The following RHOF variants were observed in gnomAD, a reference collection of about 807,000 sequenced individuals.
RHOF encodes the protein ras homolog family member F, filopodia associated, also known as rho-related GTP-binding protein RhoF.
A neutral mutation model predicts 22.2 loss-of-function variants in RHOF; 21 were observed. The observed-to-expected ratio is 0.95, with a 90% CI of 0.67 to 1.36. The LOEUF (loss-of-function observed/expected upper bound fraction) is 1.36. Among genes scored for constraint, RHOF ranks in the 40% most tolerant of loss-of-function variants. RHOF has a pLI of 0.00. For missense variants in RHOF, 285 were observed against 293.7 expected (o/e 0.97, Z 0.22); for synonymous variants, 135 against 131.2 (o/e 1.03, Z -0.20).
chr12:121,786,120 C>T (rs1236265214), intron 2 of RHOF, among the ~76,000 whole-genome samples: 3 of 151,642 alleles, frequency 2.0e-5, no homozygotes, highest in African/African-American at 7.3e-5. Context: ...CGGGGTTTCA[C>T]CGTGTAAGCC....
chr12:121,778,527 G>A lies in RHOF; in HGVS notation c.*971C>T, dbSNP rs1291060326. On this transcript the variant is annotated 3_prime_UTR_variant, in exon 5 of 5. Coordinates refer to ENST00000267205, the MANE Select transcript of RHOF (RefSeq NM_019034.3). ...AAGGAGGCTCAGGGATTAGGTATCTGGCTGTTGGTGACACAGGTGGTCTAT... is the reference window on the plus strand; with the variant it reads ...AAGGAGGCTCAGGGATTAGGTATCTAGCTGTTGGTGACACAGGTGGTCTAT... 6.6e-6 allele frequency: 1 copy of A among 152,026 alleles called. No homozygotes were observed. Among genetic ancestry groups the A allele is most frequent in the Non-Finnish European group, 1.5e-5 (1 of 68,078 alleles). The allele number at this position is 152,026 out of a possible 1,614,324, so 9.4% of individuals were successfully genotyped here. A position where few individuals can be genotyped will look rare whatever the true frequency, so the allele number is the denominator to read the frequency against.
chr12:121,779,510 G>A lies in RHOF; in HGVS notation c.624C>T (p.Cys208=). The part of the protein sequence containing the change: ...KAQRQKKRRL[C]LLL ...TGTCTGCCCTGGGTCAGAGCAGCAG[G>A]CAGAGCCGGCGCTTCTTCTGCCGTT... Residue 208 remains cysteine, a synonymous_variant, in exon 5 of 5, where the codon TGC becomes TGT. Transcript: ENST00000267205. The A allele has an allele frequency of 1.2e-6, 2 of 1,612,136 alleles. No individual in the cohort carries two copies. Among genetic ancestry groups the A allele is most frequent in the Non-Finnish European group, 1.7e-6 (2 of 1,180,006 alleles).
intron 2 of RHOF, among the ~76,000 whole-genome samples, chr12:121,787,451 C>T (rs1874636664): frequency 6.6e-6 from 1 of 152,228 alleles, no homozygotes; most frequent in African/African-American, 2.4e-5. Context: ...CTAAAAGCAC[C>T]AGTTCTTCCA....
intron 2 of RHOF, among the ~76,000 whole-genome samples, chr12:121,785,554 GTAGC>G (rs1874586152): frequency 6.6e-6 from 1 of 151,354 alleles, no homozygotes; most frequent in South Asian, 2.1e-4. Flanking sequence ...AGCCTCTTGA[GTAGC>G]TGGGACTACA....
intron 2 of RHOF, among the ~76,000 whole-genome samples, chr12:121,791,954 G>A (rs1472239955): frequency 1.3e-5 from 2 of 152,214 alleles, no homozygotes; most frequent in Non-Finnish European, 2.9e-5. Flanking sequence ...CCCGGGCCAC[G>A]CCCCGGGAAT....
At chr12:121,784,880 C>T (rs1592957272) in intron 2 of RHOF, among the ~76,000 whole-genome samples, 2 of 152,190 alleles carry the variant, frequency 1.3e-5, no homozygotes, top group South Asian at 4.1e-4. Context: ...CATTAGTCCC[C>T]CTAACCCACA....
chr12:121,791,313 A>G (rs897709767), intron 2 of RHOF, among the ~76,000 whole-genome samples: 11 of 152,174 alleles, frequency 7.2e-5, no homozygotes, highest in African/African-American at 1.9e-4. Flanking sequence ...TTTAGTAGAG[A>G]TGGGGTTTCA....
chr12:121,793,589 C>G lies in RHOF; in HGVS notation c.45G>C (p.Pro15=). Reference sequence around the variant, plus strand: ...TCACGATCTTCAGCTCCTTCCTGCCCGGACCGGGGGCGGCGGTCTGGGCCA... The same window carrying G: ...TCACGATCTTCAGCTCCTTCCTGCCGGGACCGGGGGCGGCGGTCTGGGCCA... ...GALAQTAAPG[P]GRKELKIVIV... Residue 15 remains proline (P), a synonymous_variant, in exon 1 of 5, where the codon CCG becomes CCC. Transcript: ENST00000267205. The G allele has an allele frequency of 3.2e-6, 5 of 1,552,772 alleles. No homozygotes were observed. The highest frequency in any genetic ancestry group is 4.3e-6 in the Non-Finnish European group (5 of 1,153,604).
chr12:121,793,016 G>T, intron 2 of RHOF, 136 bp downstream of exon 2: 1 of 717,968 alleles, frequency 1.4e-6, no homozygotes, highest in Non-Finnish European at 2.3e-6. Flanking sequence ...GCGCCCCTGA[G>T]CGGCCTCCAG....
rs1032892201 is a variant in RHOF, at chr12:121,779,414, C to T, written c.*84G>A. On this transcript the variant is annotated 3_prime_UTR_variant, in exon 5 of 5. Transcript: ENST00000267205. ...CCCCAGACACCATGAGCTGGAGGGT[C>T]GGGATGGGGCAGCCTCCCTGGTGCA... 7.6e-6 allele frequency: 11 copies of T among 1,447,970 alleles called. No homozygotes were observed. Among genetic ancestry groups the T allele is most frequent in the South Asian group, 1.2e-5 (1 of 82,978 alleles). 89.7% of individuals were successfully genotyped at this position (1,447,970 alleles called of 1,614,324 possible).
At position 121,779,413 on chromosome 12, in the gene RHOF, T is replaced by G. The variant is rs1249805736; in HGVS notation, c.*85A>C. On this transcript the variant is annotated 3_prime_UTR_variant, in exon 5 of 5. Transcript: ENST00000267205. ...GCCCCAGACACCATGAGCTGGAGGG[T>G]CGGGATGGGGCAGCCTCCCTGGTGC... 4 of 1,440,310 alleles carry G rather than the reference T, an allele frequency of 2.8e-6. No individual in the cohort carries two copies. Among genetic ancestry groups the G allele is most frequent in the East Asian group, 4.6e-5 (2 of 43,392 alleles). The allele number at this position is 1,440,310 out of a possible 1,614,324, so 89.2% of individuals were successfully genotyped here.
At chr12:121,787,101 T>C (rs1874629253) in intron 2 of RHOF, among the ~76,000 whole-genome samples, 1 of 152,230 alleles carries the variant, frequency 6.6e-6, no homozygotes, top group African/African-American at 2.4e-5. Flanking sequence ...GGTTTGCCTC[T>C]CCTGCGGGCA....
In RHOF at chr12:121,779,305, G is replaced by A. The variant is rs1874352487; in HGVS notation, c.*193C>T. The A allele has an allele frequency of 4.7e-6, 3 of 632,762 alleles. No homozygotes were observed. The highest frequency in any genetic ancestry group is 5.9e-5 in the Admixed American group (2 of 33,764). 39.2% of individuals were successfully genotyped at this position (632,762 alleles called of 1,614,324 possible). ...CACCCACATCACCACCATGTCCCAG[G>A]GGCAGCCTGGAGGGGAGTTTGTGGT... On this transcript the variant is annotated 3_prime_UTR_variant, in exon 5 of 5. Transcript: ENST00000267205.
chr12:121,780,663 A>T, intron 4 of RHOF: 1 of 613,980 alleles, frequency 1.6e-6, no homozygotes, highest in Non-Finnish European at 2.8e-6. Flanking sequence ...GGATGTGAAC[A>T]GCGCCTGCCT....
rs569379781 is a variant in RHOF, at chr12:121,788,265, C to A, written c.226+4887G>T. Among the ~76,000 whole-genome samples the A allele has an allele frequency of 3.3e-5, 5 of 152,162 alleles. No homozygotes were observed. The East Asian group carries it at 5.8e-4, about 18-fold the overall frequency. ...TACTGGAGTATTTTTTTTTCTTAGCCTACCCCAGAAAACAGGAAGGAATCC... is the reference window on the plus strand; with the variant it reads ...TACTGGAGTATTTTTTTTTCTTAGCATACCCCAGAAAACAGGAAGGAATCC... On this transcript the variant is annotated intron_variant, in intron 2 of 4. Coordinates refer to ENST00000267205, the MANE Select transcript of RHOF (RefSeq NM_019034.3).
At position 121,781,154 on chromosome 12, in the gene RHOF, G is replaced by A. The variant is rs759513765; in HGVS notation, c.265C>T (p.Gln89Ter). ...DYDRLRPLSY[Q>*]NTHLVLICYD... ...CAGATGAGCACGAGGTGGGTGTTCT[G>A]GTAGGACAGGGGCCGCAGCCGGTCA... The change falls in exon 3 of 5, where the codon CAG (glutamine) becomes TAG (stop). Residue 89 changes from glutamine (Q) to a stop codon, truncating the protein, a stop_gained. Coordinates refer to ENST00000267205, the MANE Select transcript of RHOF (RefSeq NM_019034.3). LOFTEE classifies it high-confidence loss of function. 1.9e-6 allele frequency: 3 copies of A among 1,614,112 alleles called. No homozygotes were observed. Among genetic ancestry groups the A allele is most frequent in the Non-Finnish European group, 2.5e-6 (3 of 1,180,050 alleles).
chr12:121,780,838 ACGGCTGTGCCCCAGGGTCTTGGCCC>A lies in RHOF; in HGVS notation c.471+9_471+33del. On this transcript the variant is annotated intron_variant, in intron 4 of 4. Coordinates refer to ENST00000267205, the MANE Select transcript of RHOF (RefSeq NM_019034.3). ...CAAAGGTCCGGGAGGCTTCACAGCC[ACGGCTGTGCCCCAGGGTCTTGGCCC>A]CGGCCCACCTGCATGTAGGTGATGG... is the stretch of plus-strand genomic sequence containing the variant. The A allele has an allele frequency of 6.3e-7, 1 of 1,598,718 alleles. No individual in the cohort carries two copies. The highest frequency in any genetic ancestry group is 1.7e-5 in the Admixed American group (1 of 57,784).
At chr12:121,792,144 A>G (rs1874781840) in intron 2 of RHOF, among the ~76,000 whole-genome samples, 1 of 132,942 alleles carries the variant, frequency 7.5e-6, no homozygotes. Context: ...GGTCCTCTCC[A>G]AGGTCTAGGT....
In RHOF at chr12:121,778,584, CAG is replaced by C. The variant is rs893949421; in HGVS notation, c.*912_*913del. The C allele has an allele frequency of 2.6e-5, 4 of 151,366 alleles. No homozygotes were observed. The highest frequency in any genetic ancestry group is 4.0e-4 in the East Asian group (2 of 5,058). 9.4% of individuals were successfully genotyped at this position (151,366 alleles called of 1,614,324 possible). Reference sequence around the variant, plus strand: ...GTTCTGAGAAACTGTCCCGCGTGGACAGGGGGTAGATCCCATCAGTTCTCAAA... The same window carrying C: ...GTTCTGAGAAACTGTCCCGCGTGGACGGGGTAGATCCCATCAGTTCTCAAA... On this transcript the variant is annotated 3_prime_UTR_variant, in exon 5 of 5. Transcript: ENST00000267205.
Sources: allele counts gnomAD v4.1 joint callset (sites outside exome capture counted in the v4.1 genomes callset), GRCh38; gene constraint gnomAD v4.1.1; transcripts MANE v1.5; gene names NCBI Gene and HGNC (gene_info 2026-07-23, HGNC 2026-07-21).